Variants in SLC16A10 observed in about 807,000 individuals in gnomAD.
SLC16A10 encodes monocarboxylate transporter 10.
SLC16A10 carries 27 observed loss-of-function variants against 40.0 expected under a neutral mutation model. That is an observed-to-expected ratio of 0.67 (90% CI 0.50 to 0.93). SLC16A10 has a LOEUF of 0.93. SLC16A10 is among the 40% of genes least tolerant of loss of function. The probability of loss-of-function intolerance (pLI) is 0.00; values close to 1 mark genes in which losing one functional copy is unlikely to be tolerated. For synonymous variants in SLC16A10, 213 were observed against 249.8 expected, an observed-to-expected ratio of 0.85 and a Z score of 1.39; for missense variants, 529 against 658.2, an observed-to-expected ratio of 0.80 and a Z score of 2.15.
chr6:111,155,068 G>A (rs960187473), intron 1 of SLC16A10, among the ~76,000 whole-genome samples: 4 of 150,302 alleles, frequency 2.7e-5, no homozygotes, highest in South Asian at 2.1e-4. Flanking sequence ...GTGGTGAGTC[G>A]TTCTACCAGG....
At chr6:111,170,497 G>T (rs1772565289) in intron 1 of SLC16A10, among the ~76,000 whole-genome samples, 1 of 152,148 alleles carries the variant, frequency 6.6e-6, no homozygotes, top group African/African-American at 2.4e-5. Flanking sequence ...GCCCAGGCTG[G>T]AGTGCGCAGT....
At chr6:111,129,280 G>A (rs1009252300) in intron 1 of SLC16A10, among the ~76,000 whole-genome samples, 3 of 152,160 alleles carry the variant, frequency 2.0e-5, no homozygotes, top group Non-Finnish European at 4.4e-5. Flanking sequence ...GGGGGTTGGG[G>A]GCACAAGTGG....
At position 111,128,521 on chromosome 6, in the gene SLC16A10, A is replaced by C. The variant is rs138038606; in HGVS notation, c.343+40426A>C. On this transcript the variant is annotated intron_variant, in intron 1 of 5. Coordinates refer to ENST00000368851, the MANE Select transcript of SLC16A10 (RefSeq NM_018593.5). The stretch of plus-strand genomic sequence containing the variant: ...AGAAGAAAGGCTGGCTGATCAAGAC[A>C]CACTGGTTGGTTTGAAGAAAAAATA... Among the ~76,000 whole-genome samples the C allele has an allele frequency of 2.9e-3, 435 of 152,362 alleles. 1 individual carries two copies. The highest frequency in any genetic ancestry group is 8.3e-3 in the South Asian group (40 of 4,828).
chr6:111,135,837 C>T (rs986984697), intron 1 of SLC16A10, among the ~76,000 whole-genome samples: 1 of 152,184 alleles, frequency 6.6e-6, no homozygotes, highest in African/African-American at 2.4e-5. Context: ...TAAATTTCCT[C>T]GCCACCTGTG....
intron 1 of SLC16A10, among the ~76,000 whole-genome samples, chr6:111,102,361 C>T (rs1771205338): frequency 6.6e-6 from 1 of 152,042 alleles, no homozygotes; most frequent in African/African-American, 2.4e-5. Flanking sequence ...TTAGTATTTG[C>T]TAATTTGATA....
intron 2 of SLC16A10, among the ~76,000 whole-genome samples, chr6:111,174,502 A>G (rs1346950235): frequency 6.6e-6 from 1 of 152,018 alleles, no homozygotes; most frequent in Admixed American, 6.5e-5. Flanking sequence ...AGATATTTTC[A>G]TCTTTAAAGT....
intron 1 of SLC16A10, 65 bp downstream of exon 1, chr6:111,088,160 C>A: frequency 6.6e-7 from 1 of 1,505,952 alleles, no homozygotes; most frequent in Non-Finnish European, 9.1e-7. Context: ...GCGCATCCCG[C>A]GTGTGGGCTG....
At chr6:111,157,090 T>C (rs1307901272) in intron 1 of SLC16A10, among the ~76,000 whole-genome samples, 2 of 151,672 alleles carry the variant, frequency 1.3e-5, no homozygotes, top group Admixed American at 6.6e-5. Context: ...AGCTAATTTT[T>C]ATATTTTTAG....
intron 3 of SLC16A10, among the ~76,000 whole-genome samples, chr6:111,198,050 G>A (rs1383122813): frequency 2.0e-5 from 3 of 152,170 alleles, no homozygotes; most frequent in Non-Finnish European, 4.4e-5. Flanking sequence ...ACTTTGAGAG[G>A]CCGAGGCAGG....
chr6:111,099,198 G>T (rs1238289793), intron 1 of SLC16A10, among the ~76,000 whole-genome samples: 6 of 152,188 alleles, frequency 3.9e-5, no homozygotes, highest in African/African-American at 1.4e-4. Context: ...TTTTGCAGGG[G>T]CAGGGGAGCT....
chr6:111,190,642 C>T (rs958247055), intron 3 of SLC16A10, among the ~76,000 whole-genome samples: 4 of 152,230 alleles, frequency 2.6e-5, no homozygotes, highest in South Asian at 2.1e-4. Flanking sequence ...TCTGTGCACC[C>T]GCAGACTCAA....
intron 1 of SLC16A10, among the ~76,000 whole-genome samples, chr6:111,115,947 G>A (rs1444951323): frequency 6.6e-6 from 1 of 151,828 alleles, no homozygotes; most frequent in Non-Finnish European, 1.5e-5. Flanking sequence ...CTACTTGTAG[G>A]GACCCCTTAC....
intron 1 of SLC16A10, among the ~76,000 whole-genome samples, chr6:111,169,966 G>C (rs1044481208): frequency 2.8e-5 from 4 of 142,402 alleles, no homozygotes; most frequent in African/African-American, 1.0e-4. Flanking sequence ...CCCCAGGTTG[G>C]AGTACAGTAG....
At chr6:111,138,623 T>A (rs953893174) in intron 1 of SLC16A10, among the ~76,000 whole-genome samples, 6 of 152,162 alleles carry the variant, frequency 3.9e-5, no homozygotes, top group African/African-American at 1.4e-4. Context: ...AACCACTTAG[T>A]CCTGTGCTTG....
chr6:111,125,943 C>A (rs1358629061), intron 1 of SLC16A10, among the ~76,000 whole-genome samples: 1 of 152,134 alleles, frequency 6.6e-6, no homozygotes, highest in Non-Finnish European at 1.5e-5. Context: ...CACTGAATTA[C>A]AGTTATATAC....
At chr6:111,137,046 G>C (rs755006076) in intron 1 of SLC16A10, among the ~76,000 whole-genome samples, 1 of 152,152 alleles carries the variant, frequency 6.6e-6, no homozygotes, top group African/African-American at 2.4e-5. Context: ...TTACACTGCT[G>C]TAAGAAAGGA....
intron 3 of SLC16A10, among the ~76,000 whole-genome samples, chr6:111,191,030 T>G (rs1356800203): frequency 6.6e-6 from 1 of 152,212 alleles, no homozygotes; most frequent in Non-Finnish European, 1.5e-5. Context: ...TCCTTTTTTA[T>G]TATTATACTT....
In SLC16A10 at chr6:111,126,434, A is replaced by G. The variant is rs117521926; in HGVS notation, c.343+38339A>G. Among the ~76,000 whole-genome samples the G allele has an allele frequency of 1.2e-4, 19 of 152,234 alleles. No homozygotes were observed. The East Asian group carries it at 3.5e-3, about 28-fold the overall frequency. ...GCTTGTACAGTTGCAGCTGAATGGT[A>G]AGTAGGTAGAAATATGCATTGACTA... On this transcript the variant is annotated intron_variant, in intron 1 of 5. Transcript: ENST00000368851.
intron 3 of SLC16A10, among the ~76,000 whole-genome samples, chr6:111,206,122 A>C (rs1224588096): frequency 6.7e-6 from 1 of 149,750 alleles, no homozygotes; most frequent in Non-Finnish European, 1.5e-5. Context: ...TCTGTCGCCC[A>C]GGCTGGAGTG....
Sources: gnomAD v4.1 joint callset for allele counts (sites outside exome capture counted in the v4.1 genomes callset) on GRCh38, gnomAD v4.1.1 for gene constraint, MANE v1.5 for transcripts, NCBI Gene and HGNC (gene_info 2026-07-23, HGNC 2026-07-21) for gene names.